The following FBXW5 variants were observed in gnomAD, a reference collection of about 807,000 sequenced individuals.
FBXW5 encodes the protein F-box and WD repeat domain containing 5.
In FBXW5, 74 loss-of-function variants were observed where a neutral mutation model predicts 50.9. The observed-to-expected ratio is 1.45, with a 90% CI of 1.20 to 1.76. FBXW5 has a LOEUF of 1.76. Ranked by LOEUF, FBXW5 falls within the 40% of genes most tolerant of loss-of-function variation. The pLI, the probability that FBXW5 is intolerant of heterozygous loss-of-function variation, is 0.00. For synonymous variants in FBXW5, 523 were observed against 362.2 expected (o/e 1.44, Z -5.04); for missense variants, 1,073 against 818.8 (o/e 1.31, Z -3.79).
In FBXW5 at chr9:136,940,594, A is replaced by G. The variant is rs1000297928; in HGVS notation, c.*334T>C. The G allele has an allele frequency of 1.1e-5, 4 of 356,288 alleles. No individual in the cohort carries two copies. Among genetic ancestry groups the G allele is most frequent in the African/African-American group, 4.2e-5 (2 of 47,996 alleles). 22.1% of individuals were successfully genotyped at this position (356,288 alleles called of 1,614,324 possible). On this transcript the variant is annotated 3_prime_UTR_variant, in exon 9 of 9. Transcript: ENST00000325285. ...CCACTGGGCCACCGTCCAGGGCCCC[A>G]CAGGACCAGCCGAAGGTGCCCCGGG...
chr9:136,944,113 C>T lies in FBXW5; in HGVS notation c.-23-7G>A. On this transcript the variant is annotated splice_region_variant and splice_polypyrimidine_tract_variant and intron_variant, in intron 1 of 8. Transcript: ENST00000325285. ...ACATTCTGCCCAGGCGGCCCTGAAA[C>T]CCACCAACGGCTGCCCTCAGCCCAG... is the stretch of plus-strand genomic sequence containing the variant. The T allele has an allele frequency of 6.4e-7, 1 of 1,554,486 alleles. No homozygotes were observed. Among genetic ancestry groups the T allele is most frequent in the East Asian group, 2.4e-5 (1 of 41,544 alleles).
intron 2 of FBXW5, 130 bp downstream of exon 2, chr9:136,943,761 A>T: frequency 8.9e-7 from 1 of 1,126,276 alleles, no homozygotes; most frequent in Non-Finnish European, 1.3e-6. Flanking sequence ...ACAGGCCTCT[A>T]TCAGGGTGTG....
rs779625683 is a variant in FBXW5 at position 136,942,436 on chromosome 9, TCAC to T, written c.703_705del (p.Val235del). The T allele has an allele frequency of 1.2e-6, 2 of 1,601,478 alleles. No homozygotes were observed. The highest frequency in any genetic ancestry group is 1.1e-5 in the South Asian group (1 of 90,778). On this transcript the variant is annotated inframe_deletion, in exon 6 of 9. Transcript: ENST00000325285. ...AGGTTCTGGATCTTGAACAGCCGCT[TCAC>T]CACGTTGACGTTCTCTGACTCCACA...
At chr9:136,943,102 G>C (rs1236209959) in intron 3 of FBXW5, 159 bp from the exon 4 acceptor site, 10 of 1,224,558 alleles carry the variant, frequency 8.2e-6, no homozygotes, top group Non-Finnish European at 9.3e-6. Context: ...GGGGGCATTG[G>C]TATAGAGCGG....
At position 136,942,135 on chromosome 9, in the gene FBXW5, G is replaced by T. The variant is rs746581352; in HGVS notation, c.1007C>A (p.Thr336Asn). 3.7e-6 allele frequency: 6 copies of T among 1,611,002 alleles called. No homozygotes were observed. The Admixed American group carries it at 8.4e-5, about 23-fold the overall frequency. The change falls in exon 6 of 9, where the codon ACC becomes AAC. Residue 336 changes from threonine to asparagine, a missense_variant. Physicochemically the swap from Thr to Asn is moderately conservative, Grantham distance 65. Coordinates refer to ENST00000325285, the MANE Select transcript of FBXW5 (RefSeq NM_018998.4). The part of the protein sequence containing the change: ...KVAELLAQGH[T>N]KPPERSATGA... ...TGTGGCACTGCGCTCGGGTGGCTTG[G>T]TGTGGCCCTGGGCCAGCAGCTCGGC... is the stretch of plus-strand genomic sequence containing the variant.
rs777200032 is a variant in FBXW5 at position 136,943,398 on chromosome 9, G to A, written c.302C>T (p.Ser101Phe). The change falls in exon 3 of 9, where the codon TCC (serine) becomes TTC (phenylalanine). Residue 101 changes from serine to phenylalanine, a missense_variant. Physicochemically the swap from Ser to Phe is radical, Grantham distance 155 (BLOSUM62 -2). Coordinates refer to ENST00000325285, the MANE Select transcript of FBXW5 (RefSeq NM_018998.4). The part of the protein sequence containing the change: ...HTDQVLHLSF[S>F]HSGYQFASCS... ...GGACGCGAACTGGTACCCGGAATGG[G>A]AGAAGCTGAGGTGCAGGACCTGGTC... The A allele has an allele frequency of 5.6e-6, 9 of 1,612,910 alleles. No individual in the cohort carries two copies. Among genetic ancestry groups the A allele is most frequent in the Non-Finnish European group, 7.6e-6 (9 of 1,179,964 alleles).
Position 136,942,124 on chromosome 9 carries a change from C to T in FBXW5, c.1018G>A (p.Glu340Lys), listed in dbSNP as rs7850438. ...CTCTTGGCGCCTGTGGCACTGCGCTCGGGTGGCTTGGTGTGGCCCTGGGCC... is the reference window on the plus strand; with the variant it reads ...CTCTTGGCGCCTGTGGCACTGCGCTTGGGTGGCTTGGTGTGGCCCTGGGCC... ...LLAQGHTKPP[E>K]RSATGAKSKY... Residue 340 changes from glutamate to lysine, a missense_variant, in exon 6 of 9, where the codon GAG becomes AAG. Glu to Lys is a moderately conservative substitution (Grantham distance 56). Transcript: ENST00000325285. The T allele has an allele frequency of 2.4e-3, 3,833 of 1,611,928 alleles. 71 individuals carry two copies. The African/African-American group carries it at 0.043, about 18-fold the overall frequency.
chr9:136,941,255 C>A lies in FBXW5; in HGVS notation c.1453G>T (p.Ala485Ser). Residue 485 changes from alanine (A) to serine (S), a missense_variant, in exon 8 of 9, where the codon GCC becomes TCC. Ala to Ser is a moderately conservative substitution (Grantham distance 99). Coordinates refer to ENST00000325285, the MANE Select transcript of FBXW5 (RefSeq NM_018998.4). The stretch of plus-strand genomic sequence containing the variant: ...GCACCACGCCGCGCCCTGCACCTGG[C>A]CACGAAGTCCCTGCTGACGTCCAGG... ...IFLDVSRDFV[A>S]SGAEDRHGYI... The A allele has an allele frequency of 3.1e-6, 5 of 1,604,368 alleles. No homozygotes were observed. Among genetic ancestry groups the A allele is most frequent in the Non-Finnish European group, 3.4e-6 (4 of 1,179,278 alleles).
rs1356975604 is a variant in FBXW5, at chr9:136,941,611, G to A, written c.1170C>T (p.Ala390=). The A allele has an allele frequency of 4.4e-6, 7 of 1,593,886 alleles. No individual in the cohort carries two copies. In the South Asian group the frequency reaches 4.5e-5, roughly 10 times the overall value. Residue 390 remains alanine, a synonymous_variant, in exon 7 of 9, where the codon GCC becomes GCT. Coordinates refer to ENST00000325285, the MANE Select transcript of FBXW5 (RefSeq NM_018998.4). ...PVLGEGRGSD[A]FFDALDHVID... Reference sequence around the variant, plus strand: ...TGACGTGGTCCAGCGCGTCGAAGAAGGCATCGGAGCCCCGGCCCTCACCCA... The same window carrying A: ...TGACGTGGTCCAGCGCGTCGAAGAAAGCATCGGAGCCCCGGCCCTCACCCA...
Position 136,941,128 on chromosome 9 carries a change from T to C in FBXW5, c.1501A>G (p.Asn501Asp), listed in dbSNP as rs1850739915. 1.5e-5 allele frequency: 24 copies of C among 1,602,182 alleles called. No individual in the cohort carries two copies. The highest frequency in any genetic ancestry group is 1.9e-5 in the Non-Finnish European group (22 of 1,174,910). Residue 501 changes from asparagine (N) to aspartate (D), a missense_variant, in exon 9 of 9, where the codon AAC (asparagine) becomes GAC (aspartate). Physicochemically the swap from Asn to Asp is conservative, Grantham distance 23. Transcript: ENST00000325285. ...RHGYIWDRHY[N>D]ICLARLRHED... is the part of the protein sequence containing the mutation. ...TGCCGCAGCCTGGCCAGACAGATGT[T>C]GTAGTGGCGGTCCCAGATGTAGCCG...
At chr9:136,944,204 C>T in intron 1 of FBXW5, 98 bp from the exon 2 acceptor site, 2 of 1,313,166 alleles carry the variant, frequency 1.5e-6, no homozygotes, top group Non-Finnish European at 2.0e-6. Context: ...GCCGGGAGTT[C>T]CACGGGGCTG....
chr9:136,940,841 A>C lies in FBXW5; in HGVS notation c.*87T>G. ...TTCCTAAGGCGTAACTGCTATAAGCATCTCCACCTCTCCCGCTCGGGAAAA... is the reference window on the plus strand; with the variant it reads ...TTCCTAAGGCGTAACTGCTATAAGCCTCTCCACCTCTCCCGCTCGGGAAAA... On this transcript the variant is annotated 3_prime_UTR_variant, in exon 9 of 9. Coordinates refer to ENST00000325285, the MANE Select transcript of FBXW5 (RefSeq NM_018998.4). 1 of 1,491,412 alleles carries C rather than the reference A, an allele frequency of 6.7e-7. No homozygotes were observed. The highest frequency in any genetic ancestry group is 8.9e-7 in the Non-Finnish European group (1 of 1,120,950). 92.4% of individuals were successfully genotyped at this position (1,491,412 alleles called of 1,614,324 possible). A position where few individuals can be genotyped will look rare whatever the true frequency, so the allele number is the denominator to read the frequency against.
At position 136,943,435 on chromosome 9, in the gene FBXW5, G is replaced by A. The variant is rs954829477; in HGVS notation, c.265C>T (p.Arg89Trp). 1 of 1,612,822 alleles carries A rather than the reference G, an allele frequency of 6.2e-7. No homozygotes were observed. Among genetic ancestry groups the A allele is most frequent in the Non-Finnish European group, 8.5e-7 (1 of 1,179,936 alleles). Residue 89 changes from arginine (R) to tryptophan (W), a missense_variant, in exon 3 of 9, where the codon CGG becomes TGG. Coordinates refer to ENST00000325285, the MANE Select transcript of FBXW5 (RefSeq NM_018998.4). Reference protein sequence around the residue: ...TVPCVEVQTLREHTDQVLHLS... With the variant: ...TVPCVEVQTLWEHTDQVLHLS... ...TGCAGGACCTGGTCTGTGTGTTCCCGCAGCGTCTGCACCTCCACGCAGGGC... is the reference window on the plus strand; with the variant it reads ...TGCAGGACCTGGTCTGTGTGTTCCCACAGCGTCTGCACCTCCACGCAGGGC...
intron 2 of FBXW5, 26 bp from the exon 3 acceptor site, chr9:136,943,532 G>A (rs1195916192): frequency 1.3e-6 from 2 of 1,595,990 alleles, no homozygotes; most frequent in Non-Finnish European, 8.6e-7. Context: ...TGTCAGTCCT[G>A]GGCCCGGGCC....
rs1394698199 is a variant in FBXW5 at position 136,943,308 on chromosome 9, C to T, written c.351+41G>A. 5.2e-6 allele frequency: 8 copies of T among 1,530,110 alleles called. No homozygotes were observed. In the East Asian group the frequency reaches 1.5e-4, roughly 28 times the overall value. The allele number at this position is 1,530,110 out of a possible 1,614,324, so 94.8% of individuals were successfully genotyped here. A position where few individuals can be genotyped will look rare whatever the true frequency, so the allele number is the denominator to read the frequency against. On this transcript the variant is annotated intron_variant, in intron 3 of 8. Coordinates refer to ENST00000325285, the MANE Select transcript of FBXW5 (RefSeq NM_018998.4). Reference sequence around the variant, plus strand: ...GGGTCCTGGGACCTCCGTGCTGCGGCAGAGCTGGGTGGGGTGTGCAGGACA... The same window carrying T: ...GGGTCCTGGGACCTCCGTGCTGCGGTAGAGCTGGGTGGGGTGTGCAGGACA...
chr9:136,941,012 G>A lies in FBXW5; in HGVS notation c.1617C>T (p.Arg539=), dbSNP rs1035646988. 12 of 1,553,830 alleles carry A rather than the reference G, an allele frequency of 7.7e-6. No individual in the cohort carries two copies. Among genetic ancestry groups the A allele is most frequent in the South Asian group, 1.2e-5 (1 of 84,588 alleles). ...GGAGGACGCGCATGGTGCGTGGGGA[G>A]CGCCAGGCTTTGATGGTGGCGTCGT... ...ASDDATIKAW[R]SPRTMRVLQA... is the part of the protein sequence containing the mutation. The change falls in exon 9 of 9, where the codon CGC becomes CGT. Residue 539 remains arginine (R), a synonymous_variant. Transcript: ENST00000325285.
rs1850970675 is a variant in FBXW5 at position 136,944,703 on chromosome 9, C to G, written c.-133G>C. 1.0e-6 allele frequency: 1 copy of G among 985,752 alleles called. No individual in the cohort carries two copies. The highest frequency in any genetic ancestry group is 5.2e-4 in the Middle Eastern group (1 of 1,914). 61.1% of individuals were successfully genotyped at this position (985,752 alleles called of 1,614,324 possible). ...CCCGCCCAACGGGGAGCCCGCCAGG[C>G]CCGACGCCACGAGCCCCGAGGCATC... On this transcript the variant is annotated 5_prime_UTR_variant, in exon 1 of 9. Coordinates refer to ENST00000325285, the MANE Select transcript of FBXW5 (RefSeq NM_018998.4).
rs756434861 is a variant in FBXW5, at chr9:136,942,703, G to GA, written c.527-9dup. 8.7e-6 allele frequency: 14 copies of GA among 1,610,906 alleles called. No individual in the cohort carries two copies. In the Admixed American group the frequency reaches 2.3e-4, roughly 27 times the overall value. ...ACAGCAGCGCGAAGGAGTCTGTGGG[G>GA]AGGCCGGGGCTGGACAGGCTGTCGG... On this transcript the variant is annotated splice_polypyrimidine_tract_variant and intron_variant, in intron 4 of 8. Transcript: ENST00000325285.
intron 6 of FBXW5, 85 bp from the exon 7 acceptor site, chr9:136,941,769 T>G: frequency 1.4e-6 from 2 of 1,428,384 alleles, no homozygotes; most frequent in African/African-American, 1.4e-5. Context: ...GTGGTGTCTC[T>G]GGGGCTGTGA....
Sources: gnomAD v4.1 joint callset for allele counts on GRCh38, gnomAD v4.1.1 for gene constraint, MANE v1.5 for transcripts, NCBI Gene and HGNC (gene_info 2026-07-23, HGNC 2026-07-21) for gene names.